TMEM132C: variants seen among roughly 807,000 people sequenced by gnomAD.
The protein encoded by TMEM132C is protein phosphatase 1, regulatory subunit 152.
In TMEM132C, 29 loss-of-function variants were observed where a neutral mutation model predicts 61.4. The observed-to-expected ratio is 0.47, with a 90% CI of 0.35 to 0.64. The LOEUF (loss-of-function observed/expected upper bound fraction) is 0.64. Among genes scored for constraint, TMEM132C ranks in the 30% least tolerant of loss-of-function variants. The pLI is 0.00. For synonymous variants in TMEM132C, 656 were observed against 633.1 expected, an observed-to-expected ratio of 1.04 and a Z score of -0.54; for missense variants, 1,408 against 1,476.9, an observed-to-expected ratio of 0.95 and a Z score of 0.76.
intron 4 of TMEM132C, among the ~76,000 whole-genome samples, chr12:128,640,316 A>T (rs1272357983): frequency 6.6e-6 from 1 of 152,246 alleles, no homozygotes. Context: ...TGAAGCACTG[A>T]TGCTTGCTGC....
chr12:128,693,635 T>C (rs952032275), intron 5 of TMEM132C, among the ~76,000 whole-genome samples, 194 bp from the exon 6 acceptor site: 2 of 152,220 alleles, frequency 1.3e-5, no homozygotes, highest in Non-Finnish European at 2.9e-5. Context: ...CTTCCTCATC[T>C]GCTCCTTCAC....
At chr12:128,447,710 T>TAGAAAAGCATAG in intron 2 of TMEM132C, among the ~76,000 whole-genome samples, 1 of 110,312 alleles carries the variant, frequency 9.1e-6, no homozygotes, top group African/African-American at 4.0e-5. Context: ...AAGTGCTTTT[T>TAGAAAAGCATAG]TTTTTTTTTT....
At chr12:128,377,964 T>A (rs1193455729) in intron 1 of TMEM132C, among the ~76,000 whole-genome samples, 1 of 152,128 alleles carries the variant, frequency 6.6e-6, no homozygotes, top group African/African-American at 2.4e-5. Context: ...GACAAGTTAT[T>A]TGTGCTGGTG....
chr12:128,603,644 G>A (rs889837258), intron 3 of TMEM132C, among the ~76,000 whole-genome samples: 1 of 152,018 alleles, frequency 6.6e-6, no homozygotes, highest in Non-Finnish European at 1.5e-5. Context: ...TTACTCAGGA[G>A]CCCTAAATGT....
chr12:128,503,048 G>T (rs1411320478), intron 2 of TMEM132C, among the ~76,000 whole-genome samples: 4 of 152,174 alleles, frequency 2.6e-5, no homozygotes, highest in Admixed American at 6.5e-5. Flanking sequence ...GCTAAAATGT[G>T]TCTCATTATT....
intron 2 of TMEM132C, among the ~76,000 whole-genome samples, chr12:128,429,901 G>C (rs34874092): frequency 0.19 from 28,762 of 152,042 alleles, 3,240 homozygotes; most frequent in East Asian, 0.33. Context: ...ATCTCAGATG[G>C]GAGAGCTAAA....
At chr12:128,626,349 C>T (rs960062101) in intron 4 of TMEM132C, among the ~76,000 whole-genome samples, 27 of 151,300 alleles carry the variant, frequency 1.8e-4, no homozygotes, top group African/African-American at 6.6e-4. Flanking sequence ...AGGCTGGTCT[C>T]GAACTCCTGA....
At chr12:128,586,425 A>G (rs537767230) in intron 3 of TMEM132C, among the ~76,000 whole-genome samples, 2 of 151,760 alleles carry the variant, frequency 1.3e-5, no homozygotes, top group African/African-American at 2.4e-5. Context: ...ATTTAGCCGT[A>G]TATATTTAGC....
At chr12:128,386,218 C>G (rs575003245) in intron 1 of TMEM132C, among the ~76,000 whole-genome samples, 2 of 152,324 alleles carry the variant, frequency 1.3e-5, no homozygotes, top group East Asian at 1.9e-4. Context: ...CCACGTACCC[C>G]TCTCAGAATG....
chr12:128,340,916 TTCTC>T (rs71989914), intron 1 of TMEM132C, among the ~76,000 whole-genome samples: 20,873 of 128,124 alleles, frequency 0.16, 1,918 homozygotes, highest in Non-Finnish European at 0.22. Context: ...CTCTCTCTCT[TTCTC>T]TCTCTCTCTC....
At chr12:128,684,360 A>G (rs1376466255) in intron 5 of TMEM132C, among the ~76,000 whole-genome samples, 1 of 152,212 alleles carries the variant, frequency 6.6e-6, no homozygotes, top group Non-Finnish European at 1.5e-5. Context: ...CACAGATGCA[A>G]GCCTGTGTTC....
At chr12:128,330,348 C>T (rs118159387) in intron 1 of TMEM132C, among the ~76,000 whole-genome samples, 290 of 152,200 alleles carry the variant, frequency 1.9e-3, no homozygotes, top group Non-Finnish European at 3.6e-3. Flanking sequence ...GCTGTGTGAT[C>T]CCCATAACCA....
chr12:128,562,803 G>A (rs1284956045), intron 3 of TMEM132C, among the ~76,000 whole-genome samples: 1 of 152,166 alleles, frequency 6.6e-6, no homozygotes, highest in African/African-American at 2.4e-5. Flanking sequence ...CCAAATCCCT[G>A]GTTCATCAAG....
At chr12:128,677,478 G>A (rs1954600454) in intron 5 of TMEM132C, among the ~76,000 whole-genome samples, 1 of 152,146 alleles carries the variant, frequency 6.6e-6, no homozygotes, top group African/African-American at 2.4e-5. Flanking sequence ...CTTAGGTGGG[G>A]GCTGCTGGGG....
At chr12:128,497,882 G>A (rs1872024566) in intron 2 of TMEM132C, among the ~76,000 whole-genome samples, 1 of 152,128 alleles carries the variant, frequency 6.6e-6, no homozygotes. Flanking sequence ...CGGTACCTCA[G>A]TTGGAAATGC....
At chr12:128,479,644 T>C (rs1485691196) in intron 2 of TMEM132C, among the ~76,000 whole-genome samples, 1 of 152,230 alleles carries the variant, frequency 6.6e-6, no homozygotes, top group African/African-American at 2.4e-5. Context: ...TGCAAGAGAC[T>C]GCATGGCCCA....
chr12:128,293,112 T>C (rs1258280582), intron 1 of TMEM132C, among the ~76,000 whole-genome samples: 2 of 152,304 alleles, frequency 1.3e-5, no homozygotes, highest in East Asian at 3.9e-4. Flanking sequence ...GAACCTGTAG[T>C]GTCTCCTGGA....
intron 1 of TMEM132C, among the ~76,000 whole-genome samples, chr12:128,391,336 G>A (rs1301698888): frequency 6.6e-6 from 1 of 152,230 alleles, no homozygotes; most frequent in Non-Finnish European, 1.5e-5. Context: ...GGAGTTGAGG[G>A]CAGACCTCAT....
At chr12:128,520,873 G>C (rs540959703) in intron 2 of TMEM132C, among the ~76,000 whole-genome samples, 24 of 152,238 alleles carry the variant, frequency 1.6e-4, no homozygotes, top group African/African-American at 5.1e-4. Flanking sequence ...GCTTCTCTGG[G>C]AGGGAGAGTT....
Sources: allele counts gnomAD v4.1 joint callset (sites outside exome capture counted in the v4.1 genomes callset), GRCh38; gene constraint gnomAD v4.1.1; transcripts MANE v1.5; gene names NCBI Gene and HGNC (gene_info 2026-07-23, HGNC 2026-07-21).